Variants in FBXL4 observed in about 807,000 individuals in gnomAD.
FBXL4 encodes F-box/LRR-repeat protein 4.
A neutral mutation model predicts 58.9 loss-of-function variants in FBXL4; 40 were observed. That is an observed-to-expected ratio of 0.68 (90% CI 0.53 to 0.88). FBXL4 has a LOEUF of 0.88. Among genes scored for constraint, FBXL4 ranks in the 40% least tolerant of loss-of-function variants. The pLI, the probability that FBXL4 is intolerant of heterozygous loss-of-function variation, is 0.00. For missense variants in FBXL4, 676 were observed against 734.4 expected, an observed-to-expected ratio of 0.92 and a Z score of 0.92; for synonymous variants, 263 against 265.5, an observed-to-expected ratio of 0.99 and a Z score of 0.09.
chr6:98,944,952 T>C (rs1385760110), intron 1 of FBXL4, among the ~76,000 whole-genome samples: 1 of 152,174 alleles, frequency 6.6e-6, no homozygotes, highest in East Asian at 1.9e-4. Context: ...GAGTCTCATA[T>C]TTTCTGCCAG....
At position 98,874,455 on chromosome 6, in the gene FBXL4, A is replaced by G. The variant is rs773834428; in HGVS notation, c.1703-14T>C. 2.5e-6 allele frequency: 4 copies of G among 1,583,334 alleles called. No homozygotes were observed. The Admixed American group carries it at 7.7e-5, about 31-fold the overall frequency. On this transcript the variant is annotated splice_polypyrimidine_tract_variant and intron_variant, in intron 9 of 9. Coordinates refer to ENST00000369244, the MANE Select transcript of FBXL4 (RefSeq NM_001278716.2). ...CCATTCTTGTTCCTATTTAAGGGAA[A>G]CAAAACAAAACAAAACAAAACACCT...
chr6:98,905,702 G>C (rs373217770), intron 5 of FBXL4, 32 bp from the exon 6 acceptor site: 2 of 1,604,814 alleles, frequency 1.2e-6, no homozygotes, highest in South Asian at 1.1e-5. Context: ...AGATCATCAA[G>C]AGTGAAAAGC....
At chr6:98,902,190 T>C (rs929444502) in intron 6 of FBXL4, among the ~76,000 whole-genome samples, 4 of 152,128 alleles carry the variant, frequency 2.6e-5, no homozygotes, top group African/African-American at 9.7e-5. Flanking sequence ...GAATTAGATA[T>C]AAATATCTAT....
Position 98,870,058 on chromosome 6 carries a change from C to T in FBXL4, c.*4220G>A, listed in dbSNP as rs1484495879. The T allele has an allele frequency of 6.6e-6, 1 of 152,144 alleles. No individual in the cohort carries two copies. Among genetic ancestry groups the T allele is most frequent in the Admixed American group, 6.5e-5 (1 of 15,268 alleles). The allele number at this position is 152,144 out of a possible 1,614,324, so 9.4% of individuals were successfully genotyped here. A position where few individuals can be genotyped will look rare whatever the true frequency, so the allele number is the denominator to read the frequency against. ...TCACCTGGCTTCAAAATTTAACAAACAAAGAGTCTACATAAATATCTTTCT... is the reference window on the plus strand; with the variant it reads ...TCACCTGGCTTCAAAATTTAACAAATAAAGAGTCTACATAAATATCTTTCT... On this transcript the variant is annotated 3_prime_UTR_variant, in exon 10 of 10. Transcript: ENST00000369244.
Position 98,870,406 on chromosome 6 carries a change from G to A in FBXL4, c.*3872C>T, listed in dbSNP as rs1260749584. ...AATTATGTAAAATTCAACTTTCAGT[G>A]CTCATGAAATTTTATTGGAACATGG... On this transcript the variant is annotated 3_prime_UTR_variant, in exon 10 of 10. Coordinates refer to ENST00000369244, the MANE Select transcript of FBXL4 (RefSeq NM_001278716.2). 1 of 152,192 alleles carries A rather than the reference G, an allele frequency of 6.6e-6. No individual in the cohort carries two copies. Among genetic ancestry groups the A allele is most frequent in the Non-Finnish European group, 1.5e-5 (1 of 68,046 alleles). 9.4% of individuals were successfully genotyped at this position (152,192 alleles called of 1,614,324 possible). A position where few individuals can be genotyped will look rare whatever the true frequency, so the allele number is the denominator to read the frequency against.
At position 98,873,397 on chromosome 6, in the gene FBXL4, T is replaced by A. The variant is rs899107759; in HGVS notation, c.*881A>T. 1.3e-5 allele frequency: 2 copies of A among 150,122 alleles called. No homozygotes were observed. Among genetic ancestry groups the A allele is most frequent in the Admixed American group, 6.7e-5 (1 of 14,992 alleles). 9.3% of individuals were successfully genotyped at this position (150,122 alleles called of 1,614,324 possible). ...ATATATCTCCACATTTATGTTTTTT[T>A]ATATAATTCAGAAACCTCAAAACTT... On this transcript the variant is annotated 3_prime_UTR_variant, in exon 10 of 10. Coordinates refer to ENST00000369244, the MANE Select transcript of FBXL4 (RefSeq NM_001278716.2).
At chr6:98,909,470 T>C (rs1771946168) in intron 5 of FBXL4, among the ~76,000 whole-genome samples, 1 of 152,236 alleles carries the variant, frequency 6.6e-6, no homozygotes. Context: ...TTCTCATCTT[T>C]GTACCTTCTC....
At chr6:98,923,280 AT>A (rs1772652943) in intron 4 of FBXL4, among the ~76,000 whole-genome samples, 1 of 152,152 alleles carries the variant, frequency 6.6e-6, no homozygotes, top group Non-Finnish European at 1.5e-5. Flanking sequence ...GAGTATCTTC[AT>A]AAAAAAATTT....
intron 8 of FBXL4, among the ~76,000 whole-genome samples, chr6:98,879,405 C>T (rs531063737): frequency 4.6e-5 from 7 of 152,266 alleles, no homozygotes; most frequent in Admixed American, 4.6e-4. Context: ...GTCAGTTACA[C>T]TGGAAGATTC....
At chr6:98,940,137 T>C (rs1411159070) in intron 1 of FBXL4, among the ~76,000 whole-genome samples, 1 of 152,240 alleles carries the variant, frequency 6.6e-6, no homozygotes, top group Non-Finnish European at 1.5e-5. Context: ...TTCATGGCAG[T>C]AAATTATAAA....
intron 5 of FBXL4, among the ~76,000 whole-genome samples, chr6:98,910,682 A>G (rs1772009416): frequency 6.6e-6 from 1 of 151,680 alleles, no homozygotes; most frequent in South Asian, 2.1e-4. Context: ...AAAAAAAAGT[A>G]TTGTGGGGGG....
At chr6:98,909,184 T>C (rs916064071) in intron 5 of FBXL4, among the ~76,000 whole-genome samples, 4 of 152,164 alleles carry the variant, frequency 2.6e-5, no homozygotes, top group Non-Finnish European at 5.9e-5. Flanking sequence ...CTTGACTAAT[T>C]TGGCTGTATA....
At chr6:98,899,764 A>C (rs577618758) in intron 6 of FBXL4, among the ~76,000 whole-genome samples, 1 of 152,200 alleles carries the variant, frequency 6.6e-6, no homozygotes. Flanking sequence ...TTTCCCACTT[A>C]CCTATAATTC....
At chr6:98,889,451 G>T (rs545031093) in intron 7 of FBXL4, among the ~76,000 whole-genome samples, 51 of 152,206 alleles carry the variant, frequency 3.4e-4, no homozygotes, top group African/African-American at 1.2e-3. Context: ...GGAGGCTGAG[G>T]TGGGCAGATC....
At chr6:98,918,720 AT>A (rs1459323600) in intron 4 of FBXL4, among the ~76,000 whole-genome samples, 1 of 151,996 alleles carries the variant, frequency 6.6e-6, no homozygotes, top group African/African-American at 2.4e-5. Flanking sequence ...TGCTAGTAAA[AT>A]TTTTTAATAA....
chr6:98,870,170 G>A lies in FBXL4; in HGVS notation c.*4108C>T, dbSNP rs1770455236. ...CATTTTAAAATCTAAATGGCAAAAT[G>A]AGAATGATAACAGCGAATTAACAGG... On this transcript the variant is annotated 3_prime_UTR_variant, in exon 10 of 10. Coordinates refer to ENST00000369244, the MANE Select transcript of FBXL4 (RefSeq NM_001278716.2). 2 of 152,152 alleles carry A rather than the reference G, an allele frequency of 1.3e-5. No homozygotes were observed. The highest frequency in any genetic ancestry group is 2.4e-5 in the African/African-American group (1 of 41,446). The allele number at this position is 152,152 out of a possible 1,614,324, so 9.4% of individuals were successfully genotyped here.
chr6:98,880,694 A>G lies in FBXL4; in HGVS notation c.1318-70T>C, dbSNP rs1416120602. On this transcript the variant is annotated intron_variant, in intron 7 of 9. Coordinates refer to ENST00000369244, the MANE Select transcript of FBXL4 (RefSeq NM_001278716.2). ...AAAGTGAAACAAAGAGAAGAGGTCAATTAGACATTAAAGGCTGTCACTGCT... is the reference window on the plus strand; with the variant it reads ...AAAGTGAAACAAAGAGAAGAGGTCAGTTAGACATTAAAGGCTGTCACTGCT... 4 of 1,301,870 alleles carry G rather than the reference A, an allele frequency of 3.1e-6. No homozygotes were observed. In the Admixed American group the frequency reaches 6.9e-5, roughly 22 times the overall value. 80.6% of individuals were successfully genotyped at this position (1,301,870 alleles called of 1,614,324 possible). A position where few individuals can be genotyped will look rare whatever the true frequency, so the allele number is the denominator to read the frequency against.
At chr6:98,881,099 C>G (rs900702806) in intron 7 of FBXL4, among the ~76,000 whole-genome samples, 8 of 152,138 alleles carry the variant, frequency 5.3e-5, no homozygotes, top group Non-Finnish European at 7.4e-5. Context: ...ATAGAGTCAC[C>G]CCAAATCAGG....
intron 7 of FBXL4, chr6:98,896,851 C>T (rs1771428428): frequency 2.0e-6 from 2 of 984,932 alleles, no homozygotes; most frequent in South Asian, 4.7e-5. Context: ...TATAAATTTC[C>T]ACTCTTCAGA....
Sources: gnomAD v4.1 joint callset for allele counts (sites outside exome capture counted in the v4.1 genomes callset) on GRCh38, gnomAD v4.1.1 for gene constraint, MANE v1.5 for transcripts, NCBI Gene and HGNC (gene_info 2026-07-23, HGNC 2026-07-21) for gene names.